Variants in NT5DC3 observed in about 807,000 individuals in gnomAD.
The protein encoded by NT5DC3 is 5'-nucleotidase domain containing 3.
NT5DC3 carries 42 observed loss-of-function variants against 67.8 expected under a neutral mutation model. That is an observed-to-expected ratio of 0.62 (90% confidence interval 0.48 to 0.80). The LOEUF (loss-of-function observed/expected upper bound fraction) is 0.80. Among genes scored for constraint, NT5DC3 ranks in the 30% least tolerant of loss-of-function variants. The pLI is 0.00. For synonymous variants in NT5DC3, 237 were observed against 255.6 expected (o/e 0.93, Z 0.69); for missense variants, 570 against 696.4 (o/e 0.82, Z 2.04).
the NT5DC3 span, chr12:103,759,035 G>A: frequency 1.3e-6 from 2 of 1,594,724 alleles, no homozygotes; most frequent in East Asian, 2.2e-5. Flanking sequence ...GGAAAGCCTA[G>A]GCCATGAGAA....
chr12:103,753,502 AT>A, the NT5DC3 span: 1 of 1,067,476 alleles, frequency 9.4e-7, no homozygotes, highest in African/African-American at 1.6e-5. Flanking sequence ...CACCATGTCC[AT>A]TTATTGGGCA....
At chr12:103,750,430 C>G in the NT5DC3 span, 1 of 906,234 alleles carries the variant, frequency 1.1e-6, no homozygotes, top group South Asian at 1.6e-5. Context: ...AAAAGCAGGA[C>G]GTAGCAGTTA....
chr12:103,838,667 G>A (rs1003552843), intron 1 of NT5DC3, among the ~76,000 whole-genome samples: 1 of 152,156 alleles, frequency 6.6e-6, no homozygotes, highest in African/African-American at 2.4e-5. Flanking sequence ...CAAAGACTGG[G>A]AGCAACCCAA....
the NT5DC3 span, among the ~76,000 whole-genome samples, chr12:103,762,707 G>A: frequency 2.0e-5 from 3 of 152,210 alleles, no homozygotes; most frequent in Non-Finnish European, 4.4e-5. Context: ...TAGGACCTAG[G>A]AGTCTTGTTT....
At chr12:103,759,273 G>T in the NT5DC3 span, 1 of 1,613,476 alleles carries the variant, frequency 6.2e-7, no homozygotes, top group Non-Finnish European at 8.5e-7. Flanking sequence ...CACTCCAACC[G>T]GTACAAAGTC....
the NT5DC3 span, chr12:103,762,302 G>T: frequency 6.2e-7 from 1 of 1,614,212 alleles, no homozygotes; most frequent in South Asian, 1.1e-5. Flanking sequence ...TTGGGAGCAG[G>T]GATCTTCTTT....
chr12:103,840,969 T>C lies in NT5DC3; in HGVS notation c.188A>G (p.Glu63Gly). 1.5e-6 allele frequency: 2 copies of C among 1,344,616 alleles called. No homozygotes were observed. The highest frequency in any genetic ancestry group is 2.0e-5 in the South Asian group (1 of 51,012). The allele number at this position is 1,344,616 out of a possible 1,614,324, so 83.3% of individuals were successfully genotyped here. A position where few individuals can be genotyped will look rare whatever the true frequency, so the allele number is the denominator to read the frequency against. ...CTCACCTTCTGTGCTTCTCTTCGCC[T>C]CCCGGTAGCGCTCCCACAGGTAGCG... is the stretch of plus-strand genomic sequence containing the variant. ...MKRYLWERYREAKRSTEELVP... is the reference protein window; with the variant it reads ...MKRYLWERYRGAKRSTEELVP... The change falls in exon 1 of 14, where the codon GAG becomes GGG. Residue 63 changes from glutamate (E) to glycine (G), a missense_variant. Transcript: ENST00000392876.
chr12:103,796,063 G>T (rs1220424334), intron 6 of NT5DC3, among the ~76,000 whole-genome samples: 2 of 152,174 alleles, frequency 1.3e-5, no homozygotes, highest in Non-Finnish European at 2.9e-5. Context: ...ATTTACATTT[G>T]TCTACATCCC....
At chr12:103,832,364 A>C (rs79027996) in intron 1 of NT5DC3, among the ~76,000 whole-genome samples, 2,742 of 152,158 alleles carry the variant, frequency 0.018, 99 homozygotes, top group East Asian at 0.18. Context: ...ACATTTTAGG[A>C]ATCAGAATCT....
intron 12 of NT5DC3, among the ~76,000 whole-genome samples, chr12:103,784,256 G>A (rs1001357629): frequency 6.6e-6 from 1 of 152,240 alleles, no homozygotes; most frequent in Non-Finnish European, 1.5e-5. Flanking sequence ...TCACAGACAA[G>A]CATAGCGAGG....
chr12:103,762,733 C>G, the NT5DC3 span, among the ~76,000 whole-genome samples: 1 of 152,222 alleles, frequency 6.6e-6, no homozygotes, highest in Non-Finnish European at 1.5e-5. Flanking sequence ...GGAGGATTCA[C>G]TGCACAAGCA....
chr12:103,824,404 T>C (rs972525679), intron 1 of NT5DC3, among the ~76,000 whole-genome samples: 7 of 152,236 alleles, frequency 4.6e-5, no homozygotes, highest in Admixed American at 2.0e-4. Flanking sequence ...AAGTGAACAC[T>C]GATAGGGTTA....
At chr12:103,797,289 G>A (rs764065501) in intron 5 of NT5DC3, among the ~76,000 whole-genome samples, 3 of 152,038 alleles carry the variant, frequency 2.0e-5, no homozygotes, top group South Asian at 2.1e-4. Flanking sequence ...GGACAACATC[G>A]TGAAACCCCG....
Position 103,840,928 on chromosome 12 carries a change from CG to C in NT5DC3, c.208+20del. On this transcript the variant is annotated intron_variant, in intron 1 of 13. Coordinates refer to ENST00000392876, the MANE Select transcript of NT5DC3 (RefSeq NM_001031701.3). ...GCAGGAGGGGCCCCAGGCGCCGGGGCGGGGTCGCCGCCTCACTCACCTTCTG... is the reference window on the plus strand; with the variant it reads ...GCAGGAGGGGCCCCAGGCGCCGGGGCGGGTCGCCGCCTCACTCACCTTCTG... The C allele has an allele frequency of 2.3e-6, 3 of 1,327,896 alleles. No individual in the cohort carries two copies. Among genetic ancestry groups the C allele is most frequent in the East Asian group, 3.1e-5 (1 of 32,026 alleles). The allele number at this position is 1,327,896 out of a possible 1,614,324, so 82.3% of individuals were successfully genotyped here.
At chr12:103,812,940 G>A (rs569197651) in intron 2 of NT5DC3, among the ~76,000 whole-genome samples, 5 of 152,268 alleles carry the variant, frequency 3.3e-5, no homozygotes, top group South Asian at 2.1e-4. Context: ...CTGTTACTAC[G>A]CCCATTTTAC....
rs1327911983 is a variant in NT5DC3, at chr12:103,841,004, C to T, written c.153G>A (p.Pro51=). 9.2e-6 allele frequency: 12 copies of T among 1,307,394 alleles called. No homozygotes were observed. Among genetic ancestry groups the T allele is most frequent in the Non-Finnish European group, 1.2e-5 (12 of 1,024,060 alleles). 81.0% of individuals were successfully genotyped at this position (1,307,394 alleles called of 1,614,324 possible). Residue 51 remains proline (P), a synonymous_variant, in exon 1 of 14, where the codon CCG becomes CCA. Transcript: ENST00000392876. ...GCTCCCACAGGTAGCGCTTCATGTC[C>T]GGGGCGGTCCCGGGTGCAGTGCACA... ...RPLCTAPGTA[P]DMKRYLWERY... is the part of the protein sequence containing the mutation.
intron 2 of NT5DC3, 98 bp downstream of exon 2, chr12:103,814,839 A>C (rs1887178780): frequency 2.5e-6 from 2 of 793,706 alleles, no homozygotes; most frequent in Non-Finnish European, 3.8e-6. Context: ...ACAATTTATT[A>C]AATGACTTCT....
chr12:103,758,357 C>T, the NT5DC3 span: 8 of 1,594,332 alleles, frequency 5.0e-6, no homozygotes, highest in Non-Finnish European at 6.8e-6. Flanking sequence ...AATGCTGTGT[C>T]ACAAATTACC....
chr12:103,793,052 T>C, intron 9 of NT5DC3, 112 bp downstream of exon 9: 2 of 782,718 alleles, frequency 2.6e-6, no homozygotes, highest in Non-Finnish European at 4.4e-6. Context: ...ATTCAAAAGC[T>C]ATAATCTCAC....
Sources: gnomAD v4.1 joint callset for allele counts (sites outside exome capture counted in the v4.1 genomes callset) on GRCh38, gnomAD v4.1.1 for gene constraint, MANE v1.5 for transcripts, NCBI Gene and HGNC (gene_info 2026-07-23, HGNC 2026-07-21) for gene names.